The following ATP8A2 variants were observed in gnomAD, a reference collection of about 807,000 sequenced individuals.
ATP8A2 encodes the protein ATPase phospholipid transporting 8A2.
A neutral mutation model predicts 165.6 loss-of-function variants in ATP8A2; 100 were observed. The observed-to-expected ratio is 0.60, with a 90% confidence interval of 0.51 to 0.71. ATP8A2 has a LOEUF of 0.71. ATP8A2 is among the 30% of genes least tolerant of loss of function. The pLI, the probability that ATP8A2 is intolerant of heterozygous loss-of-function variation, is 0.00. For missense variants in ATP8A2, 1,227 were observed against 1,479.5 expected (o/e 0.83, Z 2.80); for synonymous variants, 543 against 548.8 (o/e 0.99, Z 0.15).
intron 35 of ATP8A2, among the ~76,000 whole-genome samples, chr13:25,997,993 C>A (rs1033573904): frequency 6.6e-6 from 1 of 152,118 alleles, no homozygotes; most frequent in African/African-American, 2.4e-5. Flanking sequence ...AAGTGATTTT[C>A]AAATGAAACC....
chr13:25,665,876 T>C (rs1366092308), intron 24 of ATP8A2, among the ~76,000 whole-genome samples: 1 of 150,290 alleles, frequency 6.7e-6, no homozygotes, highest in Non-Finnish European at 1.5e-5. Flanking sequence ...TTAAGCCTTA[T>C]ATATACTTAT....
At position 25,995,214 on chromosome 13, in the gene ATP8A2, T is replaced by A. The variant is rs561329541; in HGVS notation, c.3378-17317T>A. Reference sequence around the variant, plus strand: ...ATTGGTAATGTGTGTCTTCTCTTTTTTTTTTCTTTGTAAGTATTGCTAGAA... The same window carrying A: ...ATTGGTAATGTGTGTCTTCTCTTTTATTTTTCTTTGTAAGTATTGCTAGAA... On this transcript the variant is annotated intron_variant, in intron 35 of 36. Transcript: ENST00000381655. Among the ~76,000 whole-genome samples, 172 of 151,948 alleles carry A rather than the reference T, an allele frequency of 1.1e-3. 1 individual carries two copies. Among genetic ancestry groups the A allele is most frequent in the Non-Finnish European group, 2.1e-3 (140 of 67,896 alleles).
At chr13:25,873,004 C>G (rs1335032010) in intron 33 of ATP8A2, among the ~76,000 whole-genome samples, 2 of 151,980 alleles carry the variant, frequency 1.3e-5, no homozygotes, top group Admixed American at 6.6e-5. Context: ...AGCATCTGGC[C>G]AGTGGCTGCT....
chr13:25,437,684 T>C (rs2034818034), intron 1 of ATP8A2, among the ~76,000 whole-genome samples: 1 of 152,212 alleles, frequency 6.6e-6, no homozygotes, highest in Non-Finnish European at 1.5e-5. Context: ...TCAAACAGAA[T>C]TAAAGAGTCA....
At chr13:25,589,804 A>T in intron 24 of ATP8A2, 105 bp downstream of exon 24, 1 of 690,366 alleles carries the variant, frequency 1.4e-6, no homozygotes, top group South Asian at 2.1e-5. Context: ...AAAAACAGTT[A>T]TGAAAAAACT....
At chr13:25,935,141 A>G (rs562886175) in intron 33 of ATP8A2, among the ~76,000 whole-genome samples, 2 of 152,368 alleles carry the variant, frequency 1.3e-5, no homozygotes, top group South Asian at 4.1e-4. Context: ...GCTTATGGAA[A>G]TTAAGTTACT....
intron 15 of ATP8A2, among the ~76,000 whole-genome samples, chr13:25,560,700 C>CAAA (rs748751011): frequency 4.7e-5 from 3 of 63,278 alleles, no homozygotes; most frequent in Non-Finnish European, 8.7e-5. Context: ...ACTCTTGTCT[C>CAAA]AAAAAAAAAA....
At chr13:25,478,730 G>A (rs1411394503) in intron 2 of ATP8A2, among the ~76,000 whole-genome samples, 1 of 152,196 alleles carries the variant, frequency 6.6e-6, no homozygotes, top group Non-Finnish European at 1.5e-5. Flanking sequence ...AAGGCTTTTG[G>A]AGAGTGTTGG....
chr13:25,947,464 G>C (rs776341566), intron 33 of ATP8A2, among the ~76,000 whole-genome samples: 3 of 152,114 alleles, frequency 2.0e-5, no homozygotes. Flanking sequence ...AGTCTTTACC[G>C]TCATCAGTGA....
intron 33 of ATP8A2, among the ~76,000 whole-genome samples, chr13:25,949,386 T>G (rs188399920): frequency 1.3e-5 from 2 of 152,344 alleles, no homozygotes; most frequent in African/African-American, 4.8e-5. Flanking sequence ...CGCGTTGACA[T>G]TGACGCTAAT....
intron 33 of ATP8A2, among the ~76,000 whole-genome samples, chr13:25,919,444 A>T (rs1177720126): frequency 6.6e-6 from 1 of 152,112 alleles, no homozygotes; most frequent in Non-Finnish European, 1.5e-5. Flanking sequence ...TGGTTTCGGG[A>T]TGTGAAAGAA....
chr13:25,643,823 A>C (rs924877923), intron 24 of ATP8A2, among the ~76,000 whole-genome samples: 4 of 150,912 alleles, frequency 2.7e-5, no homozygotes, highest in African/African-American at 9.7e-5. Context: ...TAGGTATTAT[A>C]TTGACTCTTT....
intron 2 of ATP8A2, among the ~76,000 whole-genome samples, chr13:25,475,592 A>C (rs1373788616): frequency 6.6e-6 from 1 of 152,206 alleles, no homozygotes; most frequent in Non-Finnish European, 1.5e-5. Context: ...AAAAACTTCC[A>C]AACTGCTTTT....
At chr13:25,644,411 G>A (rs973753220) in intron 24 of ATP8A2, among the ~76,000 whole-genome samples, 1 of 151,950 alleles carries the variant, frequency 6.6e-6, no homozygotes, top group African/African-American at 2.4e-5. Context: ...AGGGATAAAT[G>A]CCACTTCATC....
At chr13:25,699,558 A>C (rs1012718773) in intron 25 of ATP8A2, among the ~76,000 whole-genome samples, 6 of 152,204 alleles carry the variant, frequency 3.9e-5, no homozygotes, top group Admixed American at 3.9e-4. Flanking sequence ...TTGTCTTCTG[A>C]GAAGATAAAA....
At chr13:25,566,672 A>T (rs1308355386) in intron 16 of ATP8A2, among the ~76,000 whole-genome samples, 1 of 152,244 alleles carries the variant, frequency 6.6e-6, no homozygotes, top group Non-Finnish European at 1.5e-5. Flanking sequence ...AATTCCAGTA[A>T]TGGGCTAGGA....
At chr13:25,497,286 A>G (rs919498868) in intron 2 of ATP8A2, among the ~76,000 whole-genome samples, 3 of 152,230 alleles carry the variant, frequency 2.0e-5, no homozygotes, top group African/African-American at 4.8e-5. Flanking sequence ...TTACTCTAAC[A>G]CATTTTAGAC....
chr13:25,396,831 T>C (rs1345290434), intron 1 of ATP8A2, among the ~76,000 whole-genome samples: 2 of 152,196 alleles, frequency 1.3e-5, no homozygotes, highest in African/African-American at 2.4e-5. Context: ...TTTGCCAATA[T>C]ATGCAATGTT....
intron 2 of ATP8A2, among the ~76,000 whole-genome samples, chr13:25,522,442 A>G (rs747929258): frequency 2.0e-5 from 3 of 152,098 alleles, no homozygotes; most frequent in Non-Finnish European, 1.5e-5. Flanking sequence ...TTCCAATACT[A>G]TGTTTAATAA....
Sources: gnomAD v4.1 joint callset for allele counts (sites outside exome capture counted in the v4.1 genomes callset) on GRCh38, gnomAD v4.1.1 for gene constraint, MANE v1.5 for transcripts, NCBI Gene and HGNC (gene_info 2026-07-23, HGNC 2026-07-21) for gene names.